The following TACR3 variants were observed in gnomAD, a reference collection of about 807,000 sequenced individuals.
The protein encoded by TACR3 is tachykinin receptor 3.
In TACR3, 34 loss-of-function variants were observed where a neutral mutation model predicts 35.0. That is an observed-to-expected ratio of 0.97 (90% CI 0.74 to 1.30). The LOEUF (loss-of-function observed/expected upper bound fraction) is 1.30. Ranked by LOEUF, TACR3 falls within the 50% of genes most tolerant of loss-of-function variation. The probability of loss-of-function intolerance (pLI) is 0.00; values close to 1 mark genes in which losing one functional copy is unlikely to be tolerated. For synonymous variants in TACR3, 233 were observed against 221.1 expected, an observed-to-expected ratio of 1.05 and a Z score of -0.48; for missense variants, 558 against 591.7, an observed-to-expected ratio of 0.94 and a Z score of 0.59.
intron 1 of TACR3, among the ~76,000 whole-genome samples, chr4:103,690,198 A>G (rs1722370261): frequency 6.6e-6 from 1 of 152,186 alleles, no homozygotes; most frequent in African/African-American, 2.4e-5. Context: ...TCAGGCAGAA[A>G]GAAAGCAACA....
At position 103,591,539 on chromosome 4, in the gene TACR3, C is replaced by A; in HGVS notation, c.1033G>T (p.Ala345Ser). 1 of 1,613,842 alleles carries A rather than the reference C, an allele frequency of 6.2e-7. No individual in the cohort carries two copies. The highest frequency in any genetic ancestry group is 1.1e-5 in the South Asian group (1 of 91,082). The change falls in exon 4 of 5, where the codon GCA becomes TCA. Residue 345 changes from alanine (A) to serine (S), a missense_variant. Coordinates refer to ENST00000304883, the MANE Select transcript of TACR3 (RefSeq NM_001059.3). Reference protein sequence around the residue: ...QQVYLASFWLAMSSTMYNPII... With the variant: ...QQVYLASFWLSMSSTMYNPII... ...GGATTGTACATGGTTGAGCTCATTG[C>A]CAGCCAAAAGCTAGCCAGGTAGACC...
chr4:103,651,181 G>A lies in TACR3; in HGVS notation c.888+5013C>T, dbSNP rs186265377. ...AGGTAGATCCAGAGGTGTTCTGGTG[G>A]GTCCAGAGTTCCTCCTAGGTGGGTC... On this transcript the variant is annotated intron_variant, in intron 3 of 4. Coordinates refer to ENST00000304883, the MANE Select transcript of TACR3 (RefSeq NM_001059.3). 4.8e-3 allele frequency among the ~76,000 whole-genome samples: 730 copies of A among 150,670 alleles called. 10 individuals carry two copies. The highest frequency in any genetic ancestry group is 0.017 in the African/African-American group (698 of 40,832).
intron 1 of TACR3, among the ~76,000 whole-genome samples, chr4:103,677,378 A>C (rs948331781): frequency 6.6e-6 from 1 of 152,198 alleles, no homozygotes; most frequent in Admixed American, 6.6e-5. Context: ...AAAGGAATAT[A>C]AATCATTCTA....
At chr4:103,621,681 C>T (rs1345496671) in intron 3 of TACR3, among the ~76,000 whole-genome samples, 1 of 152,052 alleles carries the variant, frequency 6.6e-6, no homozygotes, top group African/African-American at 2.4e-5. Flanking sequence ...TTTGTCTGGA[C>T]CACTGTACAG....
chr4:103,656,837 C>T (rs1415652902), intron 2 of TACR3, among the ~76,000 whole-genome samples: 1 of 152,072 alleles, frequency 6.6e-6, no homozygotes, highest in South Asian at 2.1e-4. Flanking sequence ...TAAGTAGATA[C>T]TCTGAGCCAT....
intron 3 of TACR3, among the ~76,000 whole-genome samples, chr4:103,630,247 C>G (rs1375133772): frequency 6.6e-6 from 1 of 152,108 alleles, no homozygotes; most frequent in Non-Finnish European, 1.5e-5. Flanking sequence ...AGAATAAAAC[C>G]TAGGCAATAC....
intron 3 of TACR3, among the ~76,000 whole-genome samples, chr4:103,617,658 T>G (rs1204457148): frequency 1.3e-5 from 2 of 152,216 alleles, no homozygotes; most frequent in Non-Finnish European, 2.9e-5. Context: ...ACTTGGAATA[T>G]CAAAATGATT....
At chr4:103,650,657 TATATATAAATAA>T (rs1258981347) in intron 3 of TACR3, among the ~76,000 whole-genome samples, 13,571 of 68,824 alleles carry the variant, frequency 0.2, 1,452 homozygotes, top group African/African-American at 0.3. Context: ...TATATATAAA[TATATATAAATAA>T]ATATATATTA....
chr4:103,631,195 G>A (rs1048147870), intron 3 of TACR3, among the ~76,000 whole-genome samples: 1 of 152,080 alleles, frequency 6.6e-6, no homozygotes, highest in Non-Finnish European at 1.5e-5. Context: ...GTGGCTGGAG[G>A]AGGGATAGCA....
At chr4:103,701,111 C>A (rs1325553069) in intron 1 of TACR3, among the ~76,000 whole-genome samples, 1 of 151,770 alleles carries the variant, frequency 6.6e-6, no homozygotes, top group African/African-American at 2.4e-5. Context: ...GTCAAATTGT[C>A]CCTGTTTGCA....
chr4:103,708,964 T>A (rs568967083), intron 1 of TACR3, among the ~76,000 whole-genome samples: 1 of 152,098 alleles, frequency 6.6e-6, no homozygotes, highest in African/African-American at 2.4e-5. Flanking sequence ...GAAAAAAGAA[T>A]AAAAAGAAAT....
At chr4:103,634,584 A>C (rs1234761717) in intron 3 of TACR3, among the ~76,000 whole-genome samples, 2 of 152,118 alleles carry the variant, frequency 1.3e-5, no homozygotes, top group Non-Finnish European at 2.9e-5. Context: ...CTTCATCAGC[A>C]TAAACTGTAA....
At chr4:103,643,109 C>T (rs1465179074) in intron 3 of TACR3, among the ~76,000 whole-genome samples, 1 of 151,690 alleles carries the variant, frequency 6.6e-6, no homozygotes, top group Non-Finnish European at 1.5e-5. Context: ...GTTTTTATGC[C>T]TTTTTAGAGC....
At chr4:103,608,366 T>C (rs148614122) in intron 3 of TACR3, among the ~76,000 whole-genome samples, 2 of 152,046 alleles carry the variant, frequency 1.3e-5, no homozygotes, top group Admixed American at 1.3e-4. Flanking sequence ...TAAGCACGCA[T>C]GGACATAAAA....
intron 3 of TACR3, among the ~76,000 whole-genome samples, chr4:103,605,585 T>C (rs1327916132): frequency 6.6e-6 from 1 of 151,968 alleles, no homozygotes; most frequent in Admixed American, 6.6e-5. Flanking sequence ...CCAGTGATGA[T>C]GAACATTTTT....
intron 1 of TACR3, among the ~76,000 whole-genome samples, chr4:103,710,463 A>G (rs1286161910): frequency 6.6e-6 from 1 of 151,754 alleles, no homozygotes; most frequent in East Asian, 2.0e-4. Context: ...GACACAACAT[A>G]CCAGAATCTC....
At chr4:103,632,262 G>A (rs10516504) in intron 3 of TACR3, among the ~76,000 whole-genome samples, 1 of 152,014 alleles carries the variant, frequency 6.6e-6, no homozygotes, top group African/African-American at 2.4e-5. Flanking sequence ...TAGAAATCTT[G>A]TCATTATACA....
At chr4:103,644,076 C>CATTTACTGCCACACATAGAGAGCAGG (rs1257794207) in intron 3 of TACR3, among the ~76,000 whole-genome samples, 2 of 151,738 alleles carry the variant, frequency 1.3e-5, no homozygotes, top group East Asian at 1.9e-4. Flanking sequence ...AAGTGTTTCA[C>CATTTACTGCCACACATAGAGAGCAGG]ATTTACTGCC....
chr4:103,696,998 T>A lies in TACR3; in HGVS notation c.548+22130A>T, dbSNP rs1337726105. On this transcript the variant is annotated intron_variant, in intron 1 of 4. Transcript: ENST00000304883. ...GTGCAGCCATAGCTCACTGTAACCT[T>A]AAACTCCTAGTCTCAGTTGATCCTC... Among the ~76,000 whole-genome samples, 3 of 152,154 alleles carry A rather than the reference T, an allele frequency of 2.0e-5. No individual in the cohort carries two copies. The East Asian group carries it at 5.8e-4, about 29-fold the overall frequency.
Sources: allele counts gnomAD v4.1 joint callset (sites outside exome capture counted in the v4.1 genomes callset), GRCh38; gene constraint gnomAD v4.1.1; transcripts MANE v1.5; gene names NCBI Gene and HGNC (gene_info 2026-07-23, HGNC 2026-07-21).